The following HAPLN3 variants were observed in gnomAD, a reference collection of about 807,000 sequenced individuals.
HAPLN3 encodes hyaluronan and proteoglycan link protein 3, also known as extracellular link domain containing, 1.
HAPLN3 carries 28 observed loss-of-function variants against 28.1 expected under a neutral mutation model. The ratio of observed to expected loss-of-function variants is 1.00; its 90% CI spans 0.74 to 1.37. The LOEUF is 1.37. HAPLN3 is among the 40% of genes most tolerant of loss of function. HAPLN3 has a pLI of 0.00. For missense variants in HAPLN3, 513 were observed against 504.6 expected (o/e 1.02, Z -0.16); for synonymous variants, 211 against 213.1 (o/e 0.99, Z 0.09).
At position 88,881,771 on chromosome 15, in the gene HAPLN3, T is replaced by G. The variant is rs753565409; in HGVS notation, c.125-46A>C. ...CAGATGAGACCTGCTGAAGCACATC[T>G]GTACCCCTGCAAGGGCCACCGCACA... On this transcript the variant is annotated intron_variant, in intron 2 of 4. Coordinates refer to ENST00000359595, the MANE Select transcript of HAPLN3 (RefSeq NM_178232.4). This position sits in a 1 kb window ranked among gnomAD's most constrained non-coding sequence, Gnocchi z 6.0. 1.2e-5 allele frequency: 19 copies of G among 1,561,812 alleles called. No individual in the cohort carries two copies. The highest frequency in any genetic ancestry group is 1.6e-5 in the Non-Finnish European group (18 of 1,151,708).
At chr15:88,878,920 C>G (rs1230203835) in intron 4 of HAPLN3, 47 bp downstream of exon 4, 1 of 1,537,018 alleles carries the variant, frequency 6.5e-7, no homozygotes, top group Non-Finnish European at 8.8e-7. Flanking sequence ...TCACAGGTCC[C>G]AGGTGGCCAC....
chr15:88,889,416 A>ACCTC (rs1229500470), intron 1 of HAPLN3, among the ~76,000 whole-genome samples: 1 of 151,926 alleles, frequency 6.6e-6, no homozygotes, highest in African/African-American at 2.4e-5. Flanking sequence ...GCTCACTGCA[A>ACCTC]CCTCCGTCTC....
chr15:88,878,993 A>C lies in HAPLN3; in HGVS notation c.770T>G (p.Val257Gly). The change falls in exon 4 of 5, where the codon GTA becomes GGA. Residue 257 changes from valine (V) to glycine (G), a missense_variant. By Grantham distance (109) the Val-to-Gly change is moderately radical (BLOSUM62 -3). Coordinates refer to ENST00000359595, the MANE Select transcript of HAPLN3 (RefSeq NM_178232.4). ...CTTGAGGGCAGTAGCGAAGCAGAAT[A>C]CATCATAGCGGTGCAGGCGGCGGTG... ...PRHRRLHRYD[V>G]FCFATALKGR... The C allele has an allele frequency of 6.2e-7, 1 of 1,610,536 alleles. No individual in the cohort carries two copies. The highest frequency in any genetic ancestry group is 1.3e-5 in the African/African-American group (1 of 75,020).
Position 88,879,876 on chromosome 15 carries a change from G to C in HAPLN3, c.494-607C>G. 2 of 1,018,782 alleles carry C rather than the reference G, an allele frequency of 2.0e-6. No homozygotes were observed. Among genetic ancestry groups the C allele is most frequent in the Non-Finnish European group, 2.4e-6 (2 of 849,928 alleles). 63.1% of individuals were successfully genotyped at this position (1,018,782 alleles called of 1,614,324 possible). A position where few individuals can be genotyped will look rare whatever the true frequency, so the allele number is the denominator to read the frequency against. On this transcript the variant is annotated intron_variant, in intron 3 of 4. Transcript: ENST00000359595. The surrounding 1 kb of genome is among the most constrained non-coding windows in gnomAD (Gnocchi z 5.0). Reference sequence around the variant, plus strand: ...TGATAGAGGCCACAGGCCCTGAAAAGATATGTTCGTGTTTGAAATTTTACT... The same window carrying C: ...TGATAGAGGCCACAGGCCCTGAAAACATATGTTCGTGTTTGAAATTTTACT...
At chr15:88,884,875 A>G (rs1897804890) in intron 2 of HAPLN3, among the ~76,000 whole-genome samples, 1 of 152,194 alleles carries the variant, frequency 6.6e-6, no homozygotes, top group Non-Finnish European at 1.5e-5. Flanking sequence ...CAGCCAAGGA[A>G]TGCCAGCAGC....
At chr15:88,887,938 G>C (rs1252860586) in intron 1 of HAPLN3, among the ~76,000 whole-genome samples, 1 of 151,750 alleles carries the variant, frequency 6.6e-6, no homozygotes, top group Non-Finnish European at 1.5e-5. Flanking sequence ...ACTCCAGCCT[G>C]GGCAACAAGA....
Position 88,880,304 on chromosome 15 carries a change from C to T in HAPLN3, c.494-1035G>A. The T allele has an allele frequency of 9.5e-7, 1 of 1,057,156 alleles. No individual in the cohort carries two copies. Among genetic ancestry groups the T allele is most frequent in the Non-Finnish European group, 1.1e-6 (1 of 871,492 alleles). 65.5% of individuals were successfully genotyped at this position (1,057,156 alleles called of 1,614,324 possible). ...AGGTTCTCCCCAACTCCACTGCCAC[C>T]CCAACTTCAAGAATGAGGAATGCGG... On this transcript the variant is annotated intron_variant, in intron 3 of 4. Coordinates refer to ENST00000359595, the MANE Select transcript of HAPLN3 (RefSeq NM_178232.4). The surrounding 1 kb of genome is among the most constrained non-coding windows in gnomAD (Gnocchi z 6.0).
intron 2 of HAPLN3, among the ~76,000 whole-genome samples, chr15:88,883,358 G>T (rs1897759228): frequency 6.6e-6 from 1 of 152,244 alleles, no homozygotes; most frequent in African/African-American, 2.4e-5. Context: ...ATTCGGGCTT[G>T]CCCTTGGTTC....
chr15:88,894,685 G>A (rs1160919721), intron 1 of HAPLN3, among the ~76,000 whole-genome samples: 1 of 152,198 alleles, frequency 6.6e-6, no homozygotes, highest in Admixed American at 6.5e-5. Context: ...GCGGGTCAGC[G>A]CTGGACACCA....
Position 88,881,527 on chromosome 15 carries a change from C to A in HAPLN3, c.323G>T (p.Arg108Met). 2 of 1,614,108 alleles carry A rather than the reference C, an allele frequency of 1.2e-6. No individual in the cohort carries two copies. Among genetic ancestry groups the A allele is most frequent in the Non-Finnish European group, 1.7e-6 (2 of 1,180,050 alleles). The change falls in exon 3 of 5, where the codon AGG becomes ATG. Residue 108 changes from arginine (R) to methionine (M), a missense_variant. Transcript: ENST00000359595. The surrounding 1 kb of genome is among the most constrained non-coding windows in gnomAD (Gnocchi z 6.0). ...EKDVLVAIGL[R>M]HRSFGDYQGR... ...TTGGTAGTCCCCAAAGGAGCGGTGC[C>A]TCAGCCCGATGGCCACCAGCACGTC...
In HAPLN3 at chr15:88,877,781, G is replaced by T; in HGVS notation, c.*189C>A. ...GGGGAGCAAGCATGATTCCTGGAGTGGGGCATCCAGGAGCAAAGGGAGGCA... is the reference window on the plus strand; with the variant it reads ...GGGGAGCAAGCATGATTCCTGGAGTTGGGCATCCAGGAGCAAAGGGAGGCA... On this transcript the variant is annotated 3_prime_UTR_variant, in exon 5 of 5. Transcript: ENST00000359595. The surrounding 1 kb of genome is among the most constrained non-coding windows in gnomAD (Gnocchi z 5.1). 1.6e-6 allele frequency: 1 copy of T among 609,606 alleles called. No individual in the cohort carries two copies. The highest frequency in any genetic ancestry group is 3.3e-5 in the Admixed American group (1 of 30,456). The allele number at this position is 609,606 out of a possible 1,614,324, so 37.8% of individuals were successfully genotyped here. A position where few individuals can be genotyped will look rare whatever the true frequency, so the allele number is the denominator to read the frequency against.
At chr15:88,884,065 C>A (rs1309579182) in intron 2 of HAPLN3, among the ~76,000 whole-genome samples, 1 of 150,146 alleles carries the variant, frequency 6.7e-6, no homozygotes, top group Non-Finnish European at 1.5e-5. Context: ...AGAGTGAGAC[C>A]CTGTCTCAAA....
rs189308018 is a variant in HAPLN3 at position 88,887,098 on chromosome 15, C to T, written c.124+77G>A. ...CTGCTGTCCCTGTCCCAGCCTGGAA[C>T]CCTCAGATCACAGCAAGAGCCAAGG... is the stretch of plus-strand genomic sequence containing the variant. On this transcript the variant is annotated intron_variant, in intron 2 of 4. Coordinates refer to ENST00000359595, the MANE Select transcript of HAPLN3 (RefSeq NM_178232.4). 8,449 of 1,508,450 alleles carry T rather than the reference C, an allele frequency of 5.6e-3. 478 individuals are homozygous for T. In the South Asian group the frequency reaches 0.085, roughly 15 times the overall value. 93.4% of individuals were successfully genotyped at this position (1,508,450 alleles called of 1,614,324 possible).
chr15:88,891,224 A>G (rs1448272026), intron 1 of HAPLN3, among the ~76,000 whole-genome samples: 5 of 152,012 alleles, frequency 3.3e-5, no homozygotes, highest in Admixed American at 3.3e-4. Context: ...GTCCTAACAA[A>G]TACACACACC....
chr15:88,889,762 C>A (rs779828495), intron 1 of HAPLN3, among the ~76,000 whole-genome samples: 8 of 152,200 alleles, frequency 5.3e-5, no homozygotes, highest in Non-Finnish European at 1.2e-4. Flanking sequence ...GCAGCAAGAC[C>A]AGAATGACAG....
intron 2 of HAPLN3, among the ~76,000 whole-genome samples, chr15:88,883,991 A>G (rs1010711334): frequency 2.0e-5 from 3 of 151,848 alleles, no homozygotes; most frequent in African/African-American, 4.8e-5. Flanking sequence ...AAGTGGAAGG[A>G]TCTCTTGAGC....
At chr15:88,884,173 G>C (rs908030619) in intron 2 of HAPLN3, among the ~76,000 whole-genome samples, 1 of 152,190 alleles carries the variant, frequency 6.6e-6, no homozygotes, top group African/African-American at 2.4e-5. Flanking sequence ...CATATTCAGG[G>C]ACAAAAGGGA....
chr15:88,889,793 T>G (rs934467884), intron 1 of HAPLN3, among the ~76,000 whole-genome samples: 2 of 152,220 alleles, frequency 1.3e-5, no homozygotes, highest in Non-Finnish European at 2.9e-5. Context: ...CAAACATAAC[T>G]ATGATTATCA....
At chr15:88,889,471 G>A (rs1266487604) in intron 1 of HAPLN3, among the ~76,000 whole-genome samples, 3 of 152,240 alleles carry the variant, frequency 2.0e-5, no homozygotes, top group East Asian at 1.9e-4. Context: ...GAGTAGCTGG[G>A]ATTACAGGCA....
Sources: gnomAD v4.1 joint callset for allele counts (sites outside exome capture counted in the v4.1 genomes callset) on GRCh38, gnomAD v4.1.1 for gene constraint, Gnocchi (gnomAD v3.1) non-coding constraint, MANE v1.5 for transcripts, NCBI Gene and HGNC (gene_info 2026-07-23, HGNC 2026-07-21) for gene names.